NKAIN2: variants seen among roughly 807,000 people sequenced by gnomAD.
NKAIN2 encodes sodium/potassium transporting ATPase interacting 2, also known as sodium/potassium-transporting ATPase subunit beta-1-interacting protein 2.
NKAIN2 carries 14 observed loss-of-function variants against 32.6 expected under a neutral mutation model. The ratio of observed to expected loss-of-function variants is 0.43; its 90% CI spans 0.28 to 0.67. The LOEUF (loss-of-function observed/expected upper bound fraction) is 0.67, where lower values mean the gene tolerates loss of function less well. Among genes scored for constraint, NKAIN2 ranks in the 30% least tolerant of loss-of-function variants. The pLI is 0.17. For missense variants in NKAIN2, 198 were observed against 258.3 expected, an observed-to-expected ratio of 0.77 and a Z score of 1.60; for synonymous variants, 80 against 87.2, an observed-to-expected ratio of 0.92 and a Z score of 0.46.
chr6:124,501,272 T>C (rs1252575828), intron 3 of NKAIN2, among the ~76,000 whole-genome samples: 1 of 152,118 alleles, frequency 6.6e-6, no homozygotes, highest in African/African-American at 2.4e-5. Context: ...AATTCTTGAA[T>C]TTTCTCTGAC....
chr6:124,326,464 T>C (rs370903238), intron 2 of NKAIN2, among the ~76,000 whole-genome samples: 1 of 152,148 alleles, frequency 6.6e-6, no homozygotes, highest in African/African-American at 2.4e-5. Context: ...TGTGTAGCCA[T>C]GTCTCTGCCT....
intron 3 of NKAIN2, among the ~76,000 whole-genome samples, chr6:124,568,889 T>A (rs1182463767): frequency 6.7e-6 from 1 of 150,316 alleles, no homozygotes; most frequent in African/African-American, 2.5e-5. Flanking sequence ...CTCATACATG[T>A]TTAAGCACTT....
At chr6:124,783,339 A>G (rs1050858563) in intron 4 of NKAIN2, among the ~76,000 whole-genome samples, 8 of 152,142 alleles carry the variant, frequency 5.3e-5, no homozygotes, top group Admixed American at 2.6e-4. Context: ...AGTTCAGTCT[A>G]TTTCCCAACT....
chr6:123,813,947 A>G (rs1773587761), intron 1 of NKAIN2, among the ~76,000 whole-genome samples: 1 of 151,688 alleles, frequency 6.6e-6, no homozygotes. Flanking sequence ...TTTCTCAAAT[A>G]TTGGAGCAAT....
intron 3 of NKAIN2, among the ~76,000 whole-genome samples, chr6:124,426,856 AG>A (rs1775003153): frequency 1.3e-5 from 2 of 152,140 alleles, no homozygotes; most frequent in Admixed American, 1.3e-4. Flanking sequence ...GGTTTTATAA[AG>A]GGGAGTTTCC....
At chr6:124,814,655 A>G (rs368641637) in intron 5 of NKAIN2, among the ~76,000 whole-genome samples, 1 of 152,266 alleles carries the variant, frequency 6.6e-6, no homozygotes, top group East Asian at 1.9e-4. Flanking sequence ...CTCCATTCGC[A>G]TCACAGGCTC....
chr6:124,265,147 GT>G (rs141940902), intron 1 of NKAIN2, among the ~76,000 whole-genome samples: 1 of 150,756 alleles, frequency 6.6e-6, no homozygotes, highest in Non-Finnish European at 1.5e-5. Context: ...TATAGCATTT[GT>G]TTTTTTTCAA....
chr6:124,680,026 G>A (rs548150729), intron 4 of NKAIN2, among the ~76,000 whole-genome samples: 5 of 152,150 alleles, frequency 3.3e-5, no homozygotes, highest in Admixed American at 6.5e-5. Context: ...TTATTACGAT[G>A]AGCCACCAAA....
At chr6:124,109,518 T>C (rs1785271720) in intron 1 of NKAIN2, among the ~76,000 whole-genome samples, 2 of 152,080 alleles carry the variant, frequency 1.3e-5, no homozygotes, top group African/African-American at 4.8e-5. Flanking sequence ...TATAAGATTA[T>C]GTGTATATAT....
intron 1 of NKAIN2, among the ~76,000 whole-genome samples, chr6:124,021,050 T>G (rs6935830): frequency 0.26 from 38,829 of 151,936 alleles, 5,796 homozygotes; most frequent in African/African-American, 0.41. Context: ...ACTGAACACT[T>G]TACTGTAAGT....
At chr6:124,345,042 AG>A (rs1214365364) in intron 2 of NKAIN2, among the ~76,000 whole-genome samples, 31 of 152,158 alleles carry the variant, frequency 2.0e-4, no homozygotes, top group Admixed American at 1.5e-3. Context: ...TTTAGCATGA[AG>A]GGTTGTTGAA....
chr6:124,039,316 A>G (rs979148016), intron 1 of NKAIN2, among the ~76,000 whole-genome samples: 3 of 151,978 alleles, frequency 2.0e-5, no homozygotes, highest in African/African-American at 7.2e-5. Flanking sequence ...CCTCTTTTCA[A>G]ATATCATGGC....
At chr6:124,104,204 G>T (rs115362907) in intron 1 of NKAIN2, among the ~76,000 whole-genome samples, 1 of 152,302 alleles carries the variant, frequency 6.6e-6, no homozygotes, top group African/African-American at 2.4e-5. Flanking sequence ...GTGAAGAAAT[G>T]CTTCTCATCC....
chr6:124,247,445 A>G lies in NKAIN2; in HGVS notation c.55-35560A>G, dbSNP rs149365590. ...TTTTCCGCAATTTCTACTCAACGTC[A>G]TAAACTTGAGAATTTAATTCCACTA... On this transcript the variant is annotated intron_variant, in intron 1 of 6. Coordinates refer to ENST00000368417, the MANE Select transcript of NKAIN2 (RefSeq NM_001040214.3). Among the ~76,000 whole-genome samples, 433 of 152,290 alleles carry G rather than the reference A, an allele frequency of 2.8e-3. 2 individuals carry two copies. The highest frequency in any genetic ancestry group is 9.5e-3 in the African/African-American group (394 of 41,574).
At chr6:124,759,289 G>A (rs1033934619) in intron 4 of NKAIN2, among the ~76,000 whole-genome samples, 1 of 152,042 alleles carries the variant, frequency 6.6e-6, no homozygotes, top group Admixed American at 6.6e-5. Flanking sequence ...GGGTTGCATA[G>A]GTAAAGTCAA....
chr6:124,248,295 A>G lies in NKAIN2; in HGVS notation c.55-34710A>G, dbSNP rs140473915. 1.3e-3 allele frequency among the ~76,000 whole-genome samples: 191 copies of G among 152,172 alleles called. 1 individual carries two copies. Among genetic ancestry groups the G allele is most frequent in the African/African-American group, 4.4e-3 (182 of 41,542 alleles). On this transcript the variant is annotated intron_variant, in intron 1 of 6. Transcript: ENST00000368417. ...AATGGTTTTAAGTTGCCTTCCACTT[A>G]AATGTGATGTCTTGGAAATTGAACA...
intron 4 of NKAIN2, among the ~76,000 whole-genome samples, chr6:124,756,807 G>C (rs1037190570): frequency 6.6e-6 from 1 of 151,952 alleles, no homozygotes; most frequent in Non-Finnish European, 1.5e-5. Flanking sequence ...TTTATCTTTA[G>C]GTCTCTCATG....
At chr6:124,080,072 C>T (rs1220016738) in intron 1 of NKAIN2, among the ~76,000 whole-genome samples, 3 of 151,988 alleles carry the variant, frequency 2.0e-5, no homozygotes, top group Non-Finnish European at 2.9e-5. Context: ...AGATTAACGC[C>T]CATGGGAGTC....
At chr6:124,400,105 A>G (rs1021450025) in intron 3 of NKAIN2, among the ~76,000 whole-genome samples, 4 of 152,170 alleles carry the variant, frequency 2.6e-5, no homozygotes, top group Non-Finnish European at 5.9e-5. Context: ...CGACTTAATT[A>G]TGCATACTTC....
Sources: allele counts gnomAD v4.1 joint callset (sites outside exome capture counted in the v4.1 genomes callset), GRCh38; gene constraint gnomAD v4.1.1; transcripts MANE v1.5; gene names NCBI Gene and HGNC (gene_info 2026-07-23, HGNC 2026-07-21).